GRIK2: variants seen among roughly 807,000 people sequenced by gnomAD.
GRIK2 encodes glutamate receptor ionotropic, kainate 2.
In GRIK2, 32 loss-of-function variants were observed where a neutral mutation model predicts 100.3. The observed-to-expected ratio is 0.32, with a 90% CI of 0.24 to 0.43. The LOEUF (loss-of-function observed/expected upper bound fraction) is 0.43, where lower values mean the gene tolerates loss of function less well. Ranked by LOEUF, GRIK2 falls within the 20% of genes least tolerant of loss-of-function variation. The pLI, the probability that GRIK2 is intolerant of heterozygous loss-of-function variation, is 1.00. For synonymous variants in GRIK2, 417 were observed against 389.4 expected (o/e 1.07, Z -0.83); for missense variants, 843 against 1,114.9 (o/e 0.76, Z 3.47).
chr6:101,801,720 T>G (rs1229868404), intron 8 of GRIK2, among the ~76,000 whole-genome samples: 2 of 151,888 alleles, frequency 1.3e-5, no homozygotes, highest in Non-Finnish European at 2.9e-5. Flanking sequence ...GTCCAGATAT[T>G]TACTCACCTT....
chr6:101,443,820 A>C (rs574418205), intron 2 of GRIK2, among the ~76,000 whole-genome samples: 1 of 152,030 alleles, frequency 6.6e-6, no homozygotes, highest in East Asian at 1.9e-4. Flanking sequence ...GCCATACCTC[A>C]ATTTTAGATT....
chr6:101,468,449 T>C (rs1771775408), intron 2 of GRIK2, among the ~76,000 whole-genome samples: 1 of 152,148 alleles, frequency 6.6e-6, no homozygotes, highest in Non-Finnish European at 1.5e-5. Flanking sequence ...ATGTTTTCAC[T>C]TTGGCATGGA....
chr6:101,402,595 T>C (rs1582368867), intron 2 of GRIK2, among the ~76,000 whole-genome samples: 1 of 152,082 alleles, frequency 6.6e-6, no homozygotes, highest in South Asian at 2.1e-4. Flanking sequence ...GCCCCTGACA[T>C]TGAGTCTTGG....
chr6:101,498,930 T>C (rs2128272294), intron 2 of GRIK2, among the ~76,000 whole-genome samples: 1 of 152,316 alleles, frequency 6.6e-6, no homozygotes, highest in African/African-American at 2.4e-5. Context: ...GTTTTAGACC[T>C]GAAGTCCTTG....
chr6:101,936,683 T>C (rs1402906906), intron 14 of GRIK2, among the ~76,000 whole-genome samples: 1 of 152,084 alleles, frequency 6.6e-6, no homozygotes. Context: ...TTGCAAGAAA[T>C]AAAATGGTGC....
intron 2 of GRIK2, among the ~76,000 whole-genome samples, chr6:101,536,379 T>C (rs988551839): frequency 1.3e-5 from 2 of 151,520 alleles, no homozygotes; most frequent in African/African-American, 4.8e-5. Context: ...ATTCACCCTA[T>C]ATGTTAGGTT....
At chr6:101,588,992 CAA>C in intron 2 of GRIK2, among the ~76,000 whole-genome samples, 1 of 152,018 alleles carries the variant, frequency 6.6e-6, no homozygotes, top group South Asian at 2.1e-4. Flanking sequence ...TAGGGAAAAA[CAA>C]AGCTTAAGAA....
intron 9 of GRIK2, among the ~76,000 whole-genome samples, chr6:101,814,596 G>A (rs1270344416): frequency 6.6e-6 from 1 of 152,070 alleles, no homozygotes; most frequent in Non-Finnish European, 1.5e-5. Context: ...TAAAGGGAAA[G>A]ATAACAAGTA....
intron 2 of GRIK2, chr6:101,620,150 A>G (rs1780083069): frequency 2.4e-6 from 1 of 423,062 alleles, no homozygotes; most frequent in Non-Finnish European, 3.2e-6. Flanking sequence ...ACAGATAGCA[A>G]TTGGCAAATC....
chr6:102,012,376 C>A (rs1223978795), intron 14 of GRIK2, among the ~76,000 whole-genome samples: 2 of 151,958 alleles, frequency 1.3e-5, no homozygotes, highest in Admixed American at 1.3e-4. Flanking sequence ...TGCCACAATG[C>A]ATATAATAAT....
At chr6:101,849,068 AG>A (rs1311531423) in intron 10 of GRIK2, among the ~76,000 whole-genome samples, 1 of 150,550 alleles carries the variant, frequency 6.6e-6, no homozygotes, top group Non-Finnish European at 1.5e-5. Context: ...AATATTAAAC[AG>A]GGTTGAAAAG....
At chr6:102,067,237 A>G (rs1222113524) in intron 16 of GRIK2, among the ~76,000 whole-genome samples, 1 of 151,682 alleles carries the variant, frequency 6.6e-6, no homozygotes, top group African/African-American at 2.4e-5. Context: ...ATTACCTCAC[A>G]TATTTATTAT....
chr6:101,703,389 G>T (rs1337411), intron 7 of GRIK2, among the ~76,000 whole-genome samples: 4,127 of 151,812 alleles, frequency 0.027, 79 homozygotes, highest in Non-Finnish European at 0.041. Context: ...GTTTTGAGAA[G>T]GACATGGTCA....
At chr6:101,625,523 T>C (rs1780390667) in intron 3 of GRIK2, among the ~76,000 whole-genome samples, 1 of 152,120 alleles carries the variant, frequency 6.6e-6, no homozygotes, top group Non-Finnish European at 1.5e-5. Flanking sequence ...CAGGTCTTCA[T>C]ATATTTAAAG....
intron 12 of GRIK2, among the ~76,000 whole-genome samples, chr6:101,893,399 T>C (rs973625995): frequency 6.6e-6 from 1 of 151,756 alleles, no homozygotes; most frequent in African/African-American, 2.4e-5. Flanking sequence ...TATTGGAATC[T>C]ACATAATATT....
At chr6:101,961,760 A>G (rs971341819) in intron 14 of GRIK2, among the ~76,000 whole-genome samples, 3 of 151,978 alleles carry the variant, frequency 2.0e-5, no homozygotes, top group African/African-American at 7.3e-5. Context: ...TGAACGTTAG[A>G]ATTCCGGGAA....
chr6:101,518,331 G>A (rs1774693386), intron 2 of GRIK2, among the ~76,000 whole-genome samples: 2 of 152,038 alleles, frequency 1.3e-5, no homozygotes, highest in Admixed American at 1.3e-4. Flanking sequence ...GAAAATGGCT[G>A]ACTTTCTTAT....
chr6:101,816,957 A>G (rs1331268022), intron 9 of GRIK2, among the ~76,000 whole-genome samples: 1 of 152,164 alleles, frequency 6.6e-6, no homozygotes, highest in Non-Finnish European at 1.5e-5. Flanking sequence ...TGTGAGATTT[A>G]AAAATTGCAC....
chr6:101,475,503 A>G (rs146766605), intron 2 of GRIK2, among the ~76,000 whole-genome samples: 38 of 152,162 alleles, frequency 2.5e-4, no homozygotes, highest in Middle Eastern at 3.4e-3. Flanking sequence ...TAAGAAATGT[A>G]TCAATTATAA....
Sources: gnomAD v4.1 joint callset for allele counts (sites outside exome capture counted in the v4.1 genomes callset) on GRCh38, gnomAD v4.1.1 for gene constraint, MANE v1.5 for transcripts, NCBI Gene and HGNC (gene_info 2026-07-23, HGNC 2026-07-21) for gene names.